Variants in SHF observed in about 807,000 individuals in gnomAD.
SHF encodes the protein SH2 domain-containing adapter protein F.
SHF carries 30 observed loss-of-function variants against 42.4 expected under a neutral mutation model. That is an observed-to-expected ratio of 0.71 (90% CI 0.53 to 0.96). SHF has a LOEUF of 0.96. Ranked by LOEUF, SHF falls within the 40% of genes least tolerant of loss-of-function variation. The pLI, the probability that SHF is intolerant of heterozygous loss-of-function variation, is 0.00. For missense variants in SHF, 598 were observed against 634.0 expected (o/e 0.94, Z 0.61); for synonymous variants, 264 against 269.9 (o/e 0.98, Z 0.21).
intron 1 of SHF, among the ~76,000 whole-genome samples, chr15:45,186,408 GTTC>G (rs1316231442): frequency 1.3e-5 from 2 of 152,244 alleles, no homozygotes; most frequent in African/African-American, 4.8e-5. Flanking sequence ...AAATAAAAAT[GTTC>G]TTCTCTGCTG....
At chr15:45,170,489 A>G (rs1332858773) in intron 6 of SHF, 1 of 1,250,070 alleles carries the variant, frequency 8.0e-7, no homozygotes, top group South Asian at 1.3e-5. Context: ...ACAGCTGGAA[A>G]AAAAGCGATA....
chr15:45,195,437 T>G (rs1430375884), intron 2 of SHF, among the ~76,000 whole-genome samples: 2 of 152,244 alleles, frequency 1.3e-5, no homozygotes, highest in African/African-American at 2.4e-5. Context: ...TCTCATTTTT[T>G]TTCCCCTTGA....
chr15:45,171,670 T>A (rs1399664410), intron 6 of SHF: 1 of 603,228 alleles, frequency 1.7e-6, no homozygotes, highest in African/African-American at 1.9e-5. Flanking sequence ...ACAGAACCCT[T>A]CTGAGCTGGA....
rs377292494 is a variant in SHF at position 45,186,687 on chromosome 15, G to A, written c.498+767C>T. Reference sequence around the variant, plus strand: ...TCAGAATGGACCAGGGGGAGAGGGAGGCCAGGAGGAGAGGAGGAATGGGCT... The same window carrying A: ...TCAGAATGGACCAGGGGGAGAGGGAAGCCAGGAGGAGAGGAGGAATGGGCT... On this transcript the variant is annotated intron_variant, in intron 1 of 6. Transcript: ENST00000690270. 3.0e-4 allele frequency among the ~76,000 whole-genome samples: 45 copies of A among 152,378 alleles called. 1 individual carries two copies. The South Asian group carries it at 8.7e-3, about 29-fold the overall frequency.
chr15:45,178,184 C>A lies in SHF; in HGVS notation c.621G>T (p.Glu207Asp). ...ACTCACCGGCCATCATCTTTTGAGC[C>A]TCATAGGGCTCCATGTAGCCATCAT... ...PENDGYMEPYEAQKMMAEIRG... is the reference protein window; with the variant it reads ...PENDGYMEPYDAQKMMAEIRG... The change falls in exon 2 of 7, where the codon GAG (glutamate) becomes GAT (aspartate). Residue 207 changes from glutamate (E) to aspartate (D), a missense_variant. By Grantham distance (45) the Glu-to-Asp change is conservative (BLOSUM62 2). Transcript: ENST00000690270. 1 of 1,613,160 alleles carries A rather than the reference C, an allele frequency of 6.2e-7. No individual in the cohort carries two copies. The highest frequency in any genetic ancestry group is 8.5e-7 in the Non-Finnish European group (1 of 1,179,858).
chr15:45,168,010 C>A lies in SHF; in HGVS notation c.1404G>T (p.Lys468Asn), dbSNP rs1465006215. ...PEIVHHYASR[K>N]LPIKGAEHMS... ...TGTGTTCGGCTCCCTTAATGGGTAGCTTGCGGCTGGCATAGTGGTGCACAA... is the reference window on the plus strand; with the variant it reads ...TGTGTTCGGCTCCCTTAATGGGTAGATTGCGGCTGGCATAGTGGTGCACAA... Residue 468 changes from lysine (K) to asparagine (N), a missense_variant, in exon 7 of 7, where the codon AAG becomes AAT. Transcript: ENST00000690270. 1 of 1,613,600 alleles carries A rather than the reference C, an allele frequency of 6.2e-7. No homozygotes were observed. Among genetic ancestry groups the A allele is most frequent in the Non-Finnish European group, 8.5e-7 (1 of 1,179,648 alleles).
At chr15:45,195,975 G>C (rs1898849653) in intron 2 of SHF, among the ~76,000 whole-genome samples, 3 of 152,038 alleles carry the variant, frequency 2.0e-5, no homozygotes, top group African/African-American at 4.8e-5. Context: ...CTCCATTTGG[G>C]CCAAGTTTTG....
At chr15:45,193,031 T>G (rs192195996) in intron 2 of SHF, among the ~76,000 whole-genome samples, 150 of 152,354 alleles carry the variant, frequency 9.8e-4, no homozygotes, top group Middle Eastern at 3.4e-3. Context: ...ACTTTACAAT[T>G]TAAAGAAAGC....
At chr15:45,186,385 T>C (rs1706822) in intron 1 of SHF, among the ~76,000 whole-genome samples, 74,625 of 152,080 alleles carry the variant, frequency 0.49, 20,971 homozygotes, top group Non-Finnish European at 0.64. Context: ...GAAAGCAACT[T>C]TGCACTCCAA....
At chr15:45,196,767 C>T (rs953696826) in intron 2 of SHF, among the ~76,000 whole-genome samples, 22 of 151,882 alleles carry the variant, frequency 1.4e-4, no homozygotes, top group African/African-American at 2.2e-4. Context: ...GGCTTGGTGG[C>T]GGGCGCCTGT....
Position 45,168,145 on chromosome 15 carries a change from A to G in SHF, c.1281-12T>C, listed in dbSNP as rs763488206. The G allele has an allele frequency of 5.1e-6, 8 of 1,566,316 alleles. No homozygotes were observed. Among genetic ancestry groups the G allele is most frequent in the Admixed American group, 1.8e-5 (1 of 56,490 alleles). On this transcript the variant is annotated splice_polypyrimidine_tract_variant and intron_variant, in intron 6 of 6. Coordinates refer to ENST00000690270, the MANE Select transcript of SHF (RefSeq NM_001394037.1). ...ATCCCTGGCTGCTCCTGGGAAGAGG[A>G]GAGGAGACTTTGGTGAGTGGGGGCT...
chr15:45,172,595 T>G (rs963456948), intron 4 of SHF, among the ~76,000 whole-genome samples: 6 of 152,148 alleles, frequency 3.9e-5, no homozygotes, highest in African/African-American at 1.4e-4. Flanking sequence ...TGAGAAACCA[T>G]GCACGCTTCT....
chr15:45,189,201 A>G (rs1194427571), upstream of SHF, among the ~76,000 whole-genome samples: 1 of 151,308 alleles, frequency 6.6e-6, no homozygotes, highest in East Asian at 1.9e-4. Flanking sequence ...TCAAAAAAAA[A>G]AAAAAAAGAA....
chr15:45,187,690 C>CG lies in SHF; in HGVS notation c.261dup (p.Ala88ArgfsTer67). The stretch of plus-strand genomic sequence containing the variant: ...GCGGCCAGGATGTCCGGGGGCGGCG[C>CG]GGGGGGCGCGGCCGGAGAGGGCGCA... On this transcript the variant is annotated frameshift_variant, in exon 1 of 7. Coordinates refer to ENST00000690270, the MANE Select transcript of SHF (RefSeq NM_001394037.1). LOFTEE classifies it high-confidence loss of function. 3 of 1,199,252 alleles carry CG rather than the reference C, an allele frequency of 2.5e-6. No homozygotes were observed. Among genetic ancestry groups the CG allele is most frequent in the Non-Finnish European group, 1.0e-6 (1 of 964,280 alleles). 74.3% of individuals were successfully genotyped at this position (1,199,252 alleles called of 1,614,324 possible).
chr15:45,193,225 T>G (rs1443574357), intron 2 of SHF, among the ~76,000 whole-genome samples: 4 of 152,310 alleles, frequency 2.6e-5, no homozygotes, highest in African/African-American at 9.6e-5. Flanking sequence ...TCAAGTAATT[T>G]AGAAAGTTTA....
At position 45,172,217 on chromosome 15, in the gene SHF, G is replaced by A. The variant is rs377113933; in HGVS notation, c.1090C>T (p.Pro364Ser). The A allele has an allele frequency of 5.6e-6, 9 of 1,613,796 alleles. No individual in the cohort carries two copies. The highest frequency in any genetic ancestry group is 7.6e-6 in the Non-Finnish European group (9 of 1,179,840). Residue 364 changes from proline (P) to serine (S), a missense_variant, in exon 5 of 7, where the codon CCC becomes TCC. Coordinates refer to ENST00000690270, the MANE Select transcript of SHF (RefSeq NM_001394037.1). ...GGGCTGCTGGGCTCCATGCTTAGGG[G>A]TTTGGCTGACTTGGGGTTCCCTGCA... ...LSAGNPKSAK[P>S]LSMEPSSPLG... is the part of the protein sequence containing the mutation.
chr15:45,168,151 G>A lies in SHF; in HGVS notation c.1281-18C>T. On this transcript the variant is annotated intron_variant, in intron 6 of 6. Coordinates refer to ENST00000690270, the MANE Select transcript of SHF (RefSeq NM_001394037.1). ...GGCTGCTCCTGGGAAGAGGAGAGGA[G>A]ACTTTGGTGAGTGGGGGCTCTCCTC... 1 of 1,556,868 alleles carries A rather than the reference G, an allele frequency of 6.4e-7. No individual in the cohort carries two copies. Among genetic ancestry groups the A allele is most frequent in the South Asian group, 1.2e-5 (1 of 81,650 alleles).
chr15:45,168,748 C>T (rs1897334320), intron 6 of SHF, among the ~76,000 whole-genome samples: 1 of 152,222 alleles, frequency 6.6e-6, no homozygotes, highest in South Asian at 2.1e-4. Context: ...TTGGACCAAG[C>T]CCCTAGCTCA....
intron 6 of SHF, chr15:45,170,397 G>A: frequency 7.8e-7 from 1 of 1,288,546 alleles, no homozygotes. Flanking sequence ...ACACATTTCT[G>A]AGGTTATGTA....
Sources: allele counts gnomAD v4.1 joint callset (sites outside exome capture counted in the v4.1 genomes callset), GRCh38; gene constraint gnomAD v4.1.1; transcripts MANE v1.5; gene names NCBI Gene and HGNC (gene_info 2026-07-23, HGNC 2026-07-21).